VPS53: variants seen among roughly 807,000 people sequenced by gnomAD.
The protein encoded by VPS53 is vacuolar protein sorting-associated protein 53 homolog.
A neutral mutation model predicts 107.0 loss-of-function variants in VPS53; 70 were observed. The observed-to-expected ratio is 0.65, with a 90% CI of 0.54 to 0.80. The LOEUF (loss-of-function observed/expected upper bound fraction) is 0.80. Among genes scored for constraint, VPS53 ranks in the 30% least tolerant of loss-of-function variants. The probability of loss-of-function intolerance (pLI) is 0.00; values close to 1 mark genes in which losing one functional copy is unlikely to be tolerated. For missense variants in VPS53, 917 were observed against 1,049.4 expected (o/e 0.87, Z 1.74); for synonymous variants, 409 against 393.3 (o/e 1.04, Z -0.47).
chr17:687,260 TG>T (rs1972618623), intron 4 of VPS53, among the ~76,000 whole-genome samples: 2 of 146,592 alleles, frequency 1.4e-5, no homozygotes, highest in African/African-American at 2.5e-5. Context: ...CACTCCAGCC[TG>T]GGTGACACAG....
In VPS53 at chr17:519,363, G is replaced by T; in HGVS notation, c.2329-65C>A. 7.1e-7 allele frequency: 1 copy of T among 1,410,122 alleles called. No homozygotes were observed. Among genetic ancestry groups the T allele is most frequent in the Non-Finnish European group, 9.3e-7 (1 of 1,073,170 alleles). The allele number at this position is 1,410,122 out of a possible 1,614,324, so 87.4% of individuals were successfully genotyped here. ...GCCAGAATGGCCCACGGGGGACAGCGCAGTATCTGGATATGGGGTCAGCAG... is the reference window on the plus strand; with the variant it reads ...GCCAGAATGGCCCACGGGGGACAGCTCAGTATCTGGATATGGGGTCAGCAG... On this transcript the variant is annotated intron_variant, in intron 21 of 21. Transcript: ENST00000437048. This position sits in a 1 kb window ranked among gnomAD's most constrained non-coding sequence, Gnocchi z 5.0.
chr17:644,639 AG>A (rs2143380799), intron 7 of VPS53, among the ~76,000 whole-genome samples: 1 of 150,562 alleles, frequency 6.6e-6, no homozygotes, highest in Non-Finnish European at 1.5e-5. Flanking sequence ...GCTGGAGTGC[AG>A]TGGCACAGTC....
At chr17:673,107 G>A (rs190312470) in intron 4 of VPS53, among the ~76,000 whole-genome samples, 1,413 of 140,518 alleles carry the variant, frequency 0.01, 19 homozygotes, top group African/African-American at 0.029. Context: ...GCAAGATTCC[G>A]TCGCAAAAAA....
intron 4 of VPS53, among the ~76,000 whole-genome samples, chr17:672,574 A>G (rs1972007984): frequency 6.6e-6 from 1 of 152,244 alleles, no homozygotes; most frequent in Admixed American, 6.5e-5. Context: ...ATCTGCAGGC[A>G]GACTCAGAAG....
intron 19 of VPS53, among the ~76,000 whole-genome samples, chr17:531,762 T>C (rs1024581367): frequency 1.4e-5 from 2 of 140,236 alleles, no homozygotes; most frequent in Non-Finnish European, 3.0e-5. Context: ...CTCCCATCAC[T>C]GGGATTTATT....
At chr17:713,884 A>ACCCC (rs1421779846) in intron 1 of VPS53, among the ~76,000 whole-genome samples, 24 of 149,208 alleles carry the variant, frequency 1.6e-4, no homozygotes, top group African/African-American at 5.3e-4. Flanking sequence ...TTACCCCAAA[A>ACCCC]AAAAAAAAAA....
chr17:611,983 T>C (rs993049892), intron 11 of VPS53, among the ~76,000 whole-genome samples: 1 of 152,074 alleles, frequency 6.6e-6, no homozygotes, highest in Non-Finnish European at 1.5e-5. Flanking sequence ...CCTGTACAGA[T>C]ATTCACAGCA....
chr17:601,891 C>A lies in VPS53; in HGVS notation c.1122G>T (p.Lys374Asn), dbSNP rs1281678212. 17 of 1,583,768 alleles carry A rather than the reference C, an allele frequency of 1.1e-5. No individual in the cohort carries two copies. The highest frequency in any genetic ancestry group is 1.4e-5 in the Non-Finnish European group (16 of 1,164,974). ...TGGTAGATGGGGGTGGAGACTCAAG[C>A]TTTTTCTGTTAGGTAGATATGAGAA... ...GCTLTDGTLK[K>N]LESPPPSTNP... Residue 374 changes from lysine to asparagine, a missense_variant, in exon 12 of 22, where the codon AAG (lysine) becomes AAT (asparagine). Transcript: ENST00000437048.
chr17:527,679 T>A (rs1003204324), intron 19 of VPS53, among the ~76,000 whole-genome samples: 3 of 152,224 alleles, frequency 2.0e-5, no homozygotes, highest in African/African-American at 7.2e-5. Flanking sequence ...AGTGGTGCAA[T>A]CATAGCTCAC....
intron 7 of VPS53, among the ~76,000 whole-genome samples, chr17:650,909 AT>A (rs762004116): frequency 1.3e-5 from 2 of 152,252 alleles, no homozygotes; most frequent in African/African-American, 4.8e-5. Context: ...GAGAAAAAAA[AT>A]ATCTAAAATA....
chr17:634,364 A>C (rs1022934257), intron 7 of VPS53, among the ~76,000 whole-genome samples: 2 of 151,792 alleles, frequency 1.3e-5, no homozygotes, highest in Non-Finnish European at 2.9e-5. Flanking sequence ...CTTCATTTTC[A>C]TTTTTTTACA....
intron 7 of VPS53, among the ~76,000 whole-genome samples, chr17:636,142 C>T (rs1970190164): frequency 1.3e-5 from 2 of 151,862 alleles, no homozygotes; most frequent in African/African-American, 4.8e-5. Context: ...CCTAGGATTC[C>T]CAAATTCCTA....
intron 19 of VPS53, among the ~76,000 whole-genome samples, chr17:529,460 A>G (rs1909370099): frequency 6.6e-6 from 1 of 152,170 alleles, no homozygotes; most frequent in African/African-American, 2.4e-5. Context: ...AGATAAATTG[A>G]TACAGTAATT....
chr17:633,797 C>T (rs443244), intron 7 of VPS53, among the ~76,000 whole-genome samples: 150,876 of 152,314 alleles, frequency 0.99, 74,749 homozygotes, highest in East Asian at 1. Flanking sequence ...ATTCCTTCAG[C>T]GTGAACTTTG....
chr17:614,701 G>A (rs983697576), intron 11 of VPS53, among the ~76,000 whole-genome samples: 1 of 152,190 alleles, frequency 6.6e-6, no homozygotes, highest in Non-Finnish European at 1.5e-5. Flanking sequence ...TGTAGAGTGA[G>A]ACATGCTGGG....
rs117227649 is a variant in VPS53 at position 668,624 on chromosome 17, C to T, written c.286-6729G>A. On this transcript the variant is annotated intron_variant, in intron 4 of 21. Coordinates refer to ENST00000437048, the MANE Select transcript of VPS53 (RefSeq NM_001128159.3). ...ACCACTAGAAAGGACTGATCTTTTT[C>T]GACACAGCTCACATGGAATTCTGTG... Among the ~76,000 whole-genome samples the T allele has an allele frequency of 1.5e-3, 222 of 152,238 alleles. No individual in the cohort carries two copies. The East Asian group carries it at 0.017, about 12-fold the overall frequency.
chr17:624,909 CTT>C (rs1969625297), intron 10 of VPS53, among the ~76,000 whole-genome samples: 1 of 151,600 alleles, frequency 6.6e-6, no homozygotes, highest in Non-Finnish European at 1.5e-5. Context: ...TTTTCTTCCT[CTT>C]TCTTTCTTTT....
intron 4 of VPS53, among the ~76,000 whole-genome samples, chr17:662,874 G>A (rs1331472849): frequency 1.1e-4 from 7 of 61,756 alleles, no homozygotes; most frequent in South Asian, 7.1e-4. Flanking sequence ...AGGAAGGAAC[G>A]AAGGAAGGAA....
chr17:614,943 A>G (rs1969068504), intron 11 of VPS53, among the ~76,000 whole-genome samples: 1 of 152,214 alleles, frequency 6.6e-6, no homozygotes, highest in Non-Finnish European at 1.5e-5. Context: ...TATTACTACA[A>G]AAAAAACAAA....
Sources: allele counts gnomAD v4.1 joint callset (sites outside exome capture counted in the v4.1 genomes callset), GRCh38; gene constraint gnomAD v4.1.1; non-coding constraint Gnocchi (gnomAD v3.1); transcripts MANE v1.5; gene names NCBI Gene and HGNC (gene_info 2026-07-23, HGNC 2026-07-21).